The following HS6ST2 variants were observed in gnomAD, a reference collection of about 807,000 sequenced individuals.
HS6ST2 encodes heparan-sulfate 6-O-sulfotransferase 2.
In HS6ST2, 17 loss-of-function variants were observed where a neutral mutation model predicts 33.0. The ratio of observed to expected loss-of-function variants is 0.52; its 90% CI spans 0.35 to 0.77. The LOEUF is 0.77. Ranked by LOEUF, HS6ST2 falls within the 30% of genes least tolerant of loss-of-function variation. HS6ST2 has a pLI of 0.01. For synonymous variants in HS6ST2, 248 were observed against 237.1 expected (o/e 1.05, Z -0.42); for missense variants, 519 against 551.7 (o/e 0.94, Z 0.59).
At chrX:132,893,234 C>T (rs995107295) in intron 2 of HS6ST2, among the ~76,000 whole-genome samples, 1 of 112,118 alleles carries the variant, frequency 8.9e-6, no homozygotes, top group African/African-American at 3.2e-5. Flanking sequence ...GGGCACATTC[C>T]TCAACCTCTG....
intron 2 of HS6ST2, among the ~76,000 whole-genome samples, chrX:132,826,430 C>G (rs1000140273): frequency 1.8e-5 from 2 of 110,853 alleles, no homozygotes; most frequent in African/African-American, 6.5e-5. Flanking sequence ...ATTTCTAAGA[C>G]TTAGAACAAA....
At chrX:132,750,010 T>C (rs1270086563) in intron 2 of HS6ST2, among the ~76,000 whole-genome samples, 2 of 110,754 alleles carry the variant, frequency 1.8e-5, no homozygotes, top group African/African-American at 3.3e-5. Context: ...ATTTAGCTAC[T>C]GGTCAGTGTG....
intron 3 of HS6ST2, among the ~76,000 whole-genome samples, chrX:132,675,959 C>T (rs2063921413): frequency 9.0e-6 from 1 of 111,149 alleles, no homozygotes; most frequent in Non-Finnish European, 1.9e-5. Flanking sequence ...AAATCAAGGG[C>T]TTTGCCCTTG....
At chrX:132,668,476 A>T (rs2063827809) in intron 4 of HS6ST2, 1 of 111,180 alleles carries the variant, frequency 9.0e-6, no homozygotes, top group Admixed American at 9.6e-5. Flanking sequence ...AAAGGGAGAG[A>T]TCGGCTGGTG....
chrX:132,727,128 A>G (rs2064400279), intron 2 of HS6ST2, among the ~76,000 whole-genome samples: 1 of 110,526 alleles, frequency 9.0e-6, no homozygotes, highest in African/African-American at 3.3e-5. Context: ...TTTGAAATAA[A>G]TAACCTTAAA....
intron 2 of HS6ST2, among the ~76,000 whole-genome samples, chrX:132,808,197 A>T (rs1030614568): frequency 9.0e-6 from 1 of 111,642 alleles, no homozygotes; most frequent in Non-Finnish European, 1.9e-5. Flanking sequence ...AAAGGGAGAT[A>T]TTCCACTCAA....
intron 3 of HS6ST2, among the ~76,000 whole-genome samples, chrX:132,680,989 G>C (rs1458039344): frequency 1.9e-5 from 2 of 106,960 alleles, no homozygotes; most frequent in Non-Finnish European, 3.8e-5. Context: ...TGGGCAACAA[G>C]AGCAAAACTC....
chrX:132,879,035 T>A (rs769251249), intron 2 of HS6ST2, among the ~76,000 whole-genome samples: 121 of 111,747 alleles, frequency 1.1e-3, no homozygotes, highest in African/African-American at 3.8e-3. Flanking sequence ...CCAAACAGAT[T>A]GCTTGACAAA....
chrX:132,800,020 C>T (rs901663633), intron 2 of HS6ST2, among the ~76,000 whole-genome samples: 2 of 111,906 alleles, frequency 1.8e-5, no homozygotes, highest in Admixed American at 9.5e-5. Flanking sequence ...AAGGAAGGAC[C>T]GATTCTCAAG....
In HS6ST2 at chrX:132,653,479, T is replaced by C. The variant is rs187491040; in HGVS notation, c.1067+15634A>G. 2.1e-4 allele frequency among the ~76,000 whole-genome samples: 24 copies of C among 111,871 alleles called. No individual in the cohort carries two copies. The Admixed American group carries it at 2.3e-3, about 11-fold the overall frequency. ...AAAGGATCTCGTGTTTCTAGCTCCA[T>C]TATTTGTGTTGATAGTGGTGACGGG... is the stretch of plus-strand genomic sequence containing the variant. On this transcript the variant is annotated intron_variant, in intron 4 of 4. Coordinates refer to ENST00000370833, the MANE Select transcript of HS6ST2 (RefSeq NM_001394073.1).
chrX:132,692,590 T>A (rs977392712), intron 3 of HS6ST2, among the ~76,000 whole-genome samples: 5 of 110,534 alleles, frequency 4.5e-5, no homozygotes, highest in African/African-American at 1.3e-4. Flanking sequence ...CCTTCCCAGA[T>A]CCTCCATGCT....
At chrX:132,934,464 C>G (rs1435307620) in intron 2 of HS6ST2, among the ~76,000 whole-genome samples, 2 of 111,483 alleles carry the variant, frequency 1.8e-5, no homozygotes, top group East Asian at 5.6e-4. Context: ...AAATTTATAA[C>G]AATAACAGCA....
intron 2 of HS6ST2, among the ~76,000 whole-genome samples, chrX:132,901,695 T>A (rs1304535248): frequency 9.0e-6 from 1 of 111,459 alleles, no homozygotes; most frequent in Non-Finnish European, 1.9e-5. Flanking sequence ...CAGAACAGTC[T>A]CTCAGGTATG....
intron 2 of HS6ST2, among the ~76,000 whole-genome samples, chrX:132,856,213 G>A (rs1452225138): frequency 8.9e-6 from 1 of 111,987 alleles, no homozygotes. Context: ...CAGGAAATAC[G>A]TGATCACAGT....
rs777045857 is a variant in HS6ST2 at position 132,658,093 on chromosome X, G to A, written c.1067+11020C>T. Among the ~76,000 whole-genome samples the A allele has an allele frequency of 2.0e-3, 219 of 110,543 alleles. 1 individual carries two copies. Among genetic ancestry groups the A allele is most frequent in the African/African-American group, 7.0e-3 (213 of 30,385 alleles). On this transcript the variant is annotated intron_variant, in intron 4 of 4. Coordinates refer to ENST00000370833, the MANE Select transcript of HS6ST2 (RefSeq NM_001394073.1). ...AATTATGGTCTTTGATGCCAAAACA[G>A]CGAAACTCTTTAGACTCCAAAGCTG...
At chrX:132,675,092 G>C (rs1161499035) in intron 3 of HS6ST2, among the ~76,000 whole-genome samples, 1 of 111,657 alleles carries the variant, frequency 9.0e-6, no homozygotes, top group Non-Finnish European at 1.9e-5. Flanking sequence ...CAGTGAAAGA[G>C]AGAGTAGTTG....
chrX:132,936,943 G>A (rs769049907), intron 2 of HS6ST2, among the ~76,000 whole-genome samples: 1 of 110,563 alleles, frequency 9.0e-6, no homozygotes, highest in Admixed American at 9.6e-5. Context: ...AGATGACATT[G>A]TCTTATATAT....
chrX:132,676,412 A>C (rs1376910105), intron 3 of HS6ST2, among the ~76,000 whole-genome samples: 1 of 112,480 alleles, frequency 8.9e-6, no homozygotes, highest in Non-Finnish European at 1.9e-5. Flanking sequence ...TAGGGAAATA[A>C]AACAGGAAAC....
At chrX:132,646,579 C>A (rs935502868) in intron 4 of HS6ST2, among the ~76,000 whole-genome samples, 10 of 102,095 alleles carry the variant, frequency 9.8e-5, no homozygotes, top group African/African-American at 3.7e-4. Context: ...AAATTCAGGA[C>A]AAGAAGACAG....
Sources: allele counts gnomAD v4.1 joint callset (sites outside exome capture counted in the v4.1 genomes callset), GRCh38; gene constraint gnomAD v4.1.1; transcripts MANE v1.5; gene names NCBI Gene and HGNC (gene_info 2026-07-23, HGNC 2026-07-21).